C8orf34: variants seen among roughly 807,000 people sequenced by gnomAD.
C8orf34 encodes chromosome 8 open reading frame 34, also known as uncharacterized protein C8orf34.
Under a neutral mutation model 68.3 loss-of-function variants are expected in C8orf34, and 65 were observed. That is an observed-to-expected ratio of 0.95 (90% confidence interval 0.78 to 1.17). The LOEUF is 1.17. Among genes scored for constraint, C8orf34 ranks in the 50% most tolerant of loss-of-function variants. The pLI is 0.00. For synonymous variants in C8orf34, 244 were observed against 241.2 expected (o/e 1.01, Z -0.11); for missense variants, 664 against 655.4 (o/e 1.01, Z -0.14).
intron 4 of C8orf34, among the ~76,000 whole-genome samples, chr8:68,469,692 A>C (rs963450318): frequency 2.0e-5 from 3 of 152,000 alleles, no homozygotes; most frequent in African/African-American, 7.2e-5. Context: ...TGGCCTCACC[A>C]AAATTTTCTT....
intron 4 of C8orf34, among the ~76,000 whole-genome samples, chr8:68,486,597 G>A (rs950584828): frequency 2.0e-5 from 3 of 152,132 alleles, no homozygotes; most frequent in African/African-American, 7.2e-5. Context: ...ATGAAGTTGT[G>A]CGTACTTTTT....
chr8:68,382,702 T>C (rs1010974776), intron 1 of C8orf34, among the ~76,000 whole-genome samples: 1 of 152,138 alleles, frequency 6.6e-6, no homozygotes, highest in South Asian at 2.1e-4. Context: ...CCTTAGGAAC[T>C]CCTCCACCTC....
rs143004942 is a variant in C8orf34, at chr8:68,690,005, C to T, written c.1242-18989C>T. ...GTTTTAAAGTAGTCAAATTGCTGGT[C>T]TTATTTTGGAATTTGACACATTTTC... On this transcript the variant is annotated intron_variant, in intron 8 of 13. Transcript: ENST00000518698. Among the ~76,000 whole-genome samples the T allele has an allele frequency of 4.8e-3, 723 of 152,068 alleles. 5 individuals are homozygous for T. The highest frequency in any genetic ancestry group is 0.017 in the African/African-American group (688 of 41,504).
chr8:68,465,705 A>G (rs1422588090), intron 3 of C8orf34, among the ~76,000 whole-genome samples: 1 of 151,948 alleles, frequency 6.6e-6, no homozygotes, highest in Non-Finnish European at 1.5e-5. Context: ...GCAAGGACAA[A>G]AAACCAAACA....
chr8:68,376,460 C>G (rs1807804033), intron 1 of C8orf34, among the ~76,000 whole-genome samples: 1 of 152,014 alleles, frequency 6.6e-6, no homozygotes, highest in South Asian at 2.1e-4. Context: ...GATTAGTGTT[C>G]CTTGAAAGTA....
At chr8:68,602,137 A>C (rs1478100772) in intron 7 of C8orf34, among the ~76,000 whole-genome samples, 1 of 152,122 alleles carries the variant, frequency 6.6e-6, no homozygotes. Flanking sequence ...GCAGTGAGTT[A>C]ATCCACTGCC....
At chr8:68,339,398 C>G (rs1805980697) in intron 1 of C8orf34, among the ~76,000 whole-genome samples, 1 of 151,274 alleles carries the variant, frequency 6.6e-6, no homozygotes, top group Admixed American at 6.6e-5. Flanking sequence ...AGTAAAAGTA[C>G]CATTTATAAT....
intron 1 of C8orf34, among the ~76,000 whole-genome samples, chr8:68,418,202 A>G (rs202102003): frequency 8.5e-5 from 12 of 141,632 alleles, no homozygotes; most frequent in Admixed American, 4.2e-4. Flanking sequence ...GGGCTGAGAC[A>G]ATGGGGTTTT....
chr8:68,492,993 A>G (rs1432359341), intron 5 of C8orf34, among the ~76,000 whole-genome samples: 2 of 152,244 alleles, frequency 1.3e-5, no homozygotes, highest in Non-Finnish European at 2.9e-5. Context: ...TAAAATGTAG[A>G]TGGTTTTAGT....
Position 68,542,139 on chromosome 8 carries a change from G to T in C8orf34, c.1105+8990G>T, listed in dbSNP as rs542345799. ...TGGGGTTTTCCTGTAGCATGGAAAA[G>T]ATGGTATTGGGCTTGTAGAAACGTA... On this transcript the variant is annotated intron_variant, in intron 7 of 13. Coordinates refer to ENST00000518698, the MANE Select transcript of C8orf34 (RefSeq NM_052958.4). Among the ~76,000 whole-genome samples the T allele has an allele frequency of 2.4e-3, 370 of 152,288 alleles. 2 individuals are homozygous for T. The highest frequency in any genetic ancestry group is 8.6e-3 in the African/African-American group (356 of 41,568).
At chr8:68,485,711 C>CAAAAA (rs1290609373) in intron 4 of C8orf34, among the ~76,000 whole-genome samples, 113 of 75,358 alleles carry the variant, frequency 1.5e-3, no homozygotes, top group African/African-American at 2.4e-3. Context: ...GACTCTGTCT[C>CAAAAA]AAAAAAAAAT....
intron 7 of C8orf34, among the ~76,000 whole-genome samples, chr8:68,577,171 G>A (rs1278338691): frequency 6.6e-6 from 1 of 151,856 alleles, no homozygotes; most frequent in African/African-American, 2.4e-5. Context: ...CAAGGCGCAG[G>A]TATTGCTAAT....
At chr8:68,749,595 A>G (rs914546536) in intron 10 of C8orf34, among the ~76,000 whole-genome samples, 1 of 152,158 alleles carries the variant, frequency 6.6e-6, no homozygotes, top group African/African-American at 2.4e-5. Context: ...TTTATAGTTA[A>G]TAATATCCAT....
intron 7 of C8orf34, among the ~76,000 whole-genome samples, chr8:68,583,591 AT>A (rs1817126219): frequency 6.6e-6 from 1 of 152,178 alleles, no homozygotes; most frequent in African/African-American, 2.4e-5. Context: ...GATATATTTC[AT>A]TGCGTTAATC....
At chr8:68,484,231 C>G (rs1438347580) in intron 4 of C8orf34, among the ~76,000 whole-genome samples, 1 of 152,194 alleles carries the variant, frequency 6.6e-6, no homozygotes, top group Non-Finnish European at 1.5e-5. Context: ...AGAACTCACT[C>G]ACTATCATGA....
chr8:68,591,288 G>T (rs376999055), intron 7 of C8orf34, among the ~76,000 whole-genome samples: 20 of 152,156 alleles, frequency 1.3e-4, no homozygotes, highest in African/African-American at 4.8e-4. Context: ...AGGAAGATTA[G>T]ATTTAAGAGA....
intron 1 of C8orf34, among the ~76,000 whole-genome samples, chr8:68,427,907 G>A (rs1014396781): frequency 2.7e-5 from 4 of 148,380 alleles, no homozygotes; most frequent in Admixed American, 2.0e-4. Flanking sequence ...TTTATTATAT[G>A]CAAACAAAAT....
At chr8:68,654,129 C>T (rs993348975) in intron 8 of C8orf34, among the ~76,000 whole-genome samples, 1 of 151,912 alleles carries the variant, frequency 6.6e-6, no homozygotes, top group Admixed American at 6.6e-5. Context: ...AAATCGGTGC[C>T]CTTATAAAAG....
In C8orf34 at chr8:68,628,246, A is replaced by G. The variant is rs1248159864; in HGVS notation, c.1106-12130A>G. 2.0e-5 allele frequency among the ~76,000 whole-genome samples: 3 copies of G among 152,166 alleles called. No homozygotes were observed. The South Asian group carries it at 6.2e-4, about 31-fold the overall frequency. On this transcript the variant is annotated intron_variant, in intron 7 of 13. Transcript: ENST00000518698. ...GACATGTATTTTGTTCTTATTATTT[A>G]TAAGCTTGATTATTTATGAGCTTGA...
Sources: allele counts gnomAD v4.1 joint callset (sites outside exome capture counted in the v4.1 genomes callset), GRCh38; gene constraint gnomAD v4.1.1; transcripts MANE v1.5; gene names NCBI Gene and HGNC (gene_info 2026-07-23, HGNC 2026-07-21).